PTPN4: variants seen among roughly 807,000 people sequenced by gnomAD.
PTPN4 encodes the protein protein tyrosine phosphatase non-receptor type 4, also known as tyrosine-protein phosphatase non-receptor type 4.
PTPN4 carries 49 observed loss-of-function variants against 135.5 expected under a neutral mutation model. The observed-to-expected ratio is 0.36, with a 90% confidence interval of 0.29 to 0.46. The LOEUF is 0.46. PTPN4 is among the 20% of genes least tolerant of loss of function. The probability of loss-of-function intolerance (pLI) is 1.00; values close to 1 mark genes in which losing one functional copy is unlikely to be tolerated. For synonymous variants in PTPN4, 333 were observed against 369.9 expected (o/e 0.90, Z 1.14); for missense variants, 860 against 1,101.0 (o/e 0.78, Z 3.10).
rs1319693390 is a variant in PTPN4, at chr2:119,936,444, G to T, written c.1355+1486G>T. ...CAGGTAAAGGTAGTTGAATCATGGG[G>T]GTCATTTCTCCCATGCTGTTCTTGT... On this transcript the variant is annotated intron_variant, in intron 15 of 26. Coordinates refer to ENST00000263708, the MANE Select transcript of PTPN4 (RefSeq NM_002830.4). Among the ~76,000 whole-genome samples the T allele has an allele frequency of 4.6e-5, 7 of 152,200 alleles. No homozygotes were observed. In the East Asian group the frequency reaches 1.4e-3, roughly 29 times the overall value.
At chr2:119,927,002 C>G (rs1678834445) in intron 13 of PTPN4, among the ~76,000 whole-genome samples, 1 of 151,864 alleles carries the variant, frequency 6.6e-6, no homozygotes, top group South Asian at 2.1e-4. Flanking sequence ...TGTTATCAAG[C>G]CATTTCCATA....
chr2:119,895,630 AAAAG>A (rs1243655402), intron 9 of PTPN4, among the ~76,000 whole-genome samples: 1 of 152,170 alleles, frequency 6.6e-6, no homozygotes, highest in African/African-American at 2.4e-5. Flanking sequence ...ATCTCAAAAA[AAAAG>A]AAAAAGGCCG....
intron 9 of PTPN4, among the ~76,000 whole-genome samples, chr2:119,896,013 C>G (rs539731048): frequency 1.3e-4 from 20 of 151,838 alleles, no homozygotes; most frequent in African/African-American, 4.3e-4. Flanking sequence ...AACATCTGTT[C>G]ATATTCAGTT....
At chr2:119,883,993 G>A (rs569914769) in intron 8 of PTPN4, among the ~76,000 whole-genome samples, 155 of 152,284 alleles carry the variant, frequency 1.0e-3, no homozygotes, top group African/African-American at 3.4e-3. Flanking sequence ...TCCGCCTCCC[G>A]GGTTCATGCC....
Position 119,982,759 on chromosome 2 carries a change from G to A in PTPN4, c.*5689G>A, listed in dbSNP as rs371819302. ...GACTTTTGTGAAGCCAGAAAACTGT[G>A]CCTAAGATTCATTACAGTGAGTATG... On this transcript the variant is annotated 3_prime_UTR_variant, in exon 27 of 27. Transcript: ENST00000263708. The A allele has an allele frequency of 9.9e-5, 15 of 152,172 alleles. No individual in the cohort carries two copies. Among genetic ancestry groups the A allele is most frequent in the African/African-American group, 3.1e-4 (13 of 41,434 alleles). 9.4% of individuals were successfully genotyped at this position (152,172 alleles called of 1,614,324 possible).
chr2:119,841,122 G>T, intron 2 of PTPN4, among the ~76,000 whole-genome samples: 1 of 151,326 alleles, frequency 6.6e-6, no homozygotes, highest in East Asian at 1.9e-4. Context: ...TTTTGCTTTT[G>T]TTGCGATTGC....
At chr2:119,867,017 A>G (rs528077228) in intron 3 of PTPN4, among the ~76,000 whole-genome samples, 9 of 152,288 alleles carry the variant, frequency 5.9e-5, no homozygotes, top group Non-Finnish European at 1.2e-4. Context: ...TGTTTAAGAA[A>G]GAAGCAGGAG....
chr2:119,762,858 A>C (rs568879818), intron 1 of PTPN4, among the ~76,000 whole-genome samples: 4 of 152,118 alleles, frequency 2.6e-5, no homozygotes, highest in African/African-American at 7.2e-5. Context: ...CATGTTATGA[A>C]GTTTTTTATG....
intron 1 of PTPN4, among the ~76,000 whole-genome samples, chr2:119,801,379 C>G (rs555127283): frequency 6.6e-6 from 1 of 152,112 alleles, no homozygotes; most frequent in Non-Finnish European, 1.5e-5. Flanking sequence ...TGAGTCACTG[C>G]GCCTGGCCTT....
At chr2:119,830,477 C>G (rs1677202552) in intron 2 of PTPN4, among the ~76,000 whole-genome samples, 1 of 152,014 alleles carries the variant, frequency 6.6e-6, no homozygotes, top group African/African-American at 2.4e-5. Flanking sequence ...TGCCCTCTCT[C>G]TCTCTCTATT....
chr2:119,865,754 A>C (rs1315131730), intron 3 of PTPN4, among the ~76,000 whole-genome samples: 1 of 152,078 alleles, frequency 6.6e-6, no homozygotes, highest in Non-Finnish European at 1.5e-5. Context: ...ATGCACATGT[A>C]TGTATATATT....
At chr2:119,922,625 A>G (rs981304650) in intron 12 of PTPN4, among the ~76,000 whole-genome samples, 5 of 152,206 alleles carry the variant, frequency 3.3e-5, no homozygotes, top group Non-Finnish European at 7.3e-5. Context: ...TGAGGGATAT[A>G]TCTCTGTAGT....
At chr2:119,836,165 T>TA (rs1329764343) in intron 2 of PTPN4, among the ~76,000 whole-genome samples, 2 of 152,188 alleles carry the variant, frequency 1.3e-5, no homozygotes, top group Non-Finnish European at 2.9e-5. Context: ...CCAGTGAAGA[T>TA]ACGCATACAT....
intron 9 of PTPN4, among the ~76,000 whole-genome samples, chr2:119,897,869 T>C (rs1204404313): frequency 6.8e-4 from 104 of 152,226 alleles, no homozygotes; most frequent in Non-Finnish European, 7.3e-5. Context: ...ATAACGTATT[T>C]GATAAGTAGG....
intron 3 of PTPN4, among the ~76,000 whole-genome samples, chr2:119,866,833 A>G (rs1474150126): frequency 6.6e-6 from 1 of 152,070 alleles, no homozygotes; most frequent in East Asian, 1.9e-4. Context: ...ATGTTTCACT[A>G]TTTCTCTCTT....
At chr2:119,822,556 A>C (rs1406555412) in intron 2 of PTPN4, among the ~76,000 whole-genome samples, 1 of 151,938 alleles carries the variant, frequency 6.6e-6, no homozygotes, top group Non-Finnish European at 1.5e-5. Context: ...ACGGGGTTTC[A>C]CTATGTTGGT....
At chr2:119,785,299 A>C (rs1312776314) in intron 1 of PTPN4, among the ~76,000 whole-genome samples, 2 of 152,142 alleles carry the variant, frequency 1.3e-5, no homozygotes, top group Non-Finnish European at 2.9e-5. Flanking sequence ...GGACTTACTG[A>C]AGTGTTATTT....
intron 2 of PTPN4, among the ~76,000 whole-genome samples, chr2:119,840,926 GT>G (rs1259476197): frequency 2.0e-5 from 3 of 152,180 alleles, no homozygotes; most frequent in Admixed American, 1.3e-4. Flanking sequence ...TAATGGAGTT[GT>G]TTTTTTCTTG....
chr2:119,977,219 T>C lies in PTPN4; in HGVS notation c.*149T>C. The C allele has an allele frequency of 7.9e-7, 1 of 1,259,418 alleles. No individual in the cohort carries two copies. Among genetic ancestry groups the C allele is most frequent in the Non-Finnish European group, 1.0e-6 (1 of 977,918 alleles). The allele number at this position is 1,259,418 out of a possible 1,614,324, so 78.0% of individuals were successfully genotyped here. Reference sequence around the variant, plus strand: ...AAAACTTCAGCACTGTTGCACTTTATGTTTTAAAAAATGTCACTCTTTCAA... The same window carrying C: ...AAAACTTCAGCACTGTTGCACTTTACGTTTTAAAAAATGTCACTCTTTCAA... On this transcript the variant is annotated 3_prime_UTR_variant, in exon 27 of 27. Transcript: ENST00000263708.
Sources: allele counts gnomAD v4.1 joint callset (sites outside exome capture counted in the v4.1 genomes callset), GRCh38; gene constraint gnomAD v4.1.1; transcripts MANE v1.5; gene names NCBI Gene and HGNC (gene_info 2026-07-23, HGNC 2026-07-21).